ZNF622: variants seen among roughly 807,000 people sequenced by gnomAD.
The protein encoded by ZNF622 is zinc finger protein 622, also known as cytoplasmic 60S subunit biogenesis factor ZNF622.
ZNF622 carries 34 observed loss-of-function variants against 49.7 expected under a neutral mutation model. That is an observed-to-expected ratio of 0.68 (90% CI 0.52 to 0.91). The LOEUF (loss-of-function observed/expected upper bound fraction) is 0.91, where lower values mean the gene tolerates loss of function less well. ZNF622 is among the 40% of genes least tolerant of loss of function. ZNF622 has a pLI of 0.00. For missense variants in ZNF622, 569 were observed against 616.4 expected (o/e 0.92, Z 0.81); for synonymous variants, 209 against 228.7 (o/e 0.91, Z 0.78).
At chr5:16,452,284 T>C (rs1182268808) in intron 5 of ZNF622, among the ~76,000 whole-genome samples, 1 of 152,154 alleles carries the variant, frequency 6.6e-6, no homozygotes, top group Non-Finnish European at 1.5e-5. Flanking sequence ...TTCTCCACAG[T>C]CCTCAGTTGG....
At position 16,451,624 on chromosome 5, in the gene ZNF622, G is replaced by A. The variant is rs1302309918; in HGVS notation, c.*33C>T. On this transcript the variant is annotated 3_prime_UTR_variant, in exon 6 of 6. Coordinates refer to ENST00000308683, the MANE Select transcript of ZNF622 (RefSeq NM_033414.3). ...GTCCTCAGGGCAAGGAGGAAACTTG[G>A]GCAGGAGATGATTGCTCAATCCCAG... 11 of 1,606,536 alleles carry A rather than the reference G, an allele frequency of 6.8e-6. No homozygotes were observed. The highest frequency in any genetic ancestry group is 9.4e-6 in the Non-Finnish European group (11 of 1,176,350).
chr5:16,465,732 C>A lies in ZNF622; in HGVS notation c.-67G>T. On this transcript the variant is annotated 5_prime_UTR_variant, in exon 1 of 6. Coordinates refer to ENST00000308683, the MANE Select transcript of ZNF622 (RefSeq NM_033414.3). This position sits in a 1 kb window ranked among gnomAD's most constrained non-coding sequence, Gnocchi z 6.2. ...TGATCAGCGCCGTGGCCCCACAAGA[C>A]CCTCAGACCTTAACCCGCCTCAGCA... 1.3e-6 allele frequency: 2 copies of A among 1,497,352 alleles called. No individual in the cohort carries two copies. The highest frequency in any genetic ancestry group is 1.8e-6 in the Non-Finnish European group (2 of 1,125,644). The allele number at this position is 1,497,352 out of a possible 1,614,324, so 92.8% of individuals were successfully genotyped here. A position where few individuals can be genotyped will look rare whatever the true frequency, so the allele number is the denominator to read the frequency against.
chr5:16,452,173 A>G (rs945152016), intron 5 of ZNF622, among the ~76,000 whole-genome samples: 2 of 152,164 alleles, frequency 1.3e-5, no homozygotes, highest in African/African-American at 2.4e-5. Context: ...GCTCACAAGC[A>G]GCCACAGTGA....
intron 4 of ZNF622, among the ~76,000 whole-genome samples, chr5:16,455,470 A>G (rs1738011351): frequency 6.6e-6 from 1 of 152,226 alleles, no homozygotes; most frequent in African/African-American, 2.4e-5. Context: ...CTTTCGATTC[A>G]AAGACATGGT....
rs1432545450 is a variant in ZNF622 at position 16,463,558 on chromosome 5, G to A, written c.810C>T (p.His270=). 10 of 1,614,084 alleles carry A rather than the reference G, an allele frequency of 6.2e-6. No homozygotes were observed. The highest frequency in any genetic ancestry group is 7.6e-6 in the Non-Finnish European group (9 of 1,180,050). ...HSSSLMKNVA[H]MTKDHSFFIP... Reference sequence around the variant, plus strand: ...TAAAGAAACTGTGGTCTTTGGTCATGTGAGCCACATTCTTCATCAGCGAGC... The same window carrying A: ...TAAAGAAACTGTGGTCTTTGGTCATATGAGCCACATTCTTCATCAGCGAGC... Residue 270 remains histidine, a synonymous_variant, in exon 2 of 6, where the codon CAC becomes CAT. Transcript: ENST00000308683. The surrounding 1 kb of genome is among the most constrained non-coding windows in gnomAD (Gnocchi z 4.2).
At chr5:16,459,277 C>T (rs1317918823) in intron 3 of ZNF622, among the ~76,000 whole-genome samples, 1 of 152,118 alleles carries the variant, frequency 6.6e-6, no homozygotes, top group Non-Finnish European at 1.5e-5. Context: ...GTAAACCAGA[C>T]AACCTAATAA....
Position 16,465,549 on chromosome 5 carries a change from C to T in ZNF622, c.117G>A (p.Met39Ile). ...GGAAGCCCTCGGCGGTCACTGGGGC[C>T]ATGCTGGCCACCTTCCGCCGCAGGT... Reference protein sequence around the residue: ...RYNLRRKVASMAPVTAEGFQE... With the variant: ...RYNLRRKVASIAPVTAEGFQE... The change falls in exon 1 of 6, where the codon ATG becomes ATA. Residue 39 changes from methionine (M) to isoleucine (I), a missense_variant. Transcript: ENST00000308683. The surrounding 1 kb of genome is among the most constrained non-coding windows in gnomAD (Gnocchi z 6.2). 6.2e-7 allele frequency: 1 copy of T among 1,613,868 alleles called. No homozygotes were observed. Among genetic ancestry groups the T allele is most frequent in the Non-Finnish European group, 8.5e-7 (1 of 1,179,904 alleles).
chr5:16,462,843 C>T (rs988397405), intron 3 of ZNF622, among the ~76,000 whole-genome samples: 131 of 152,146 alleles, frequency 8.6e-4, no homozygotes, highest in African/African-American at 3.1e-3. Flanking sequence ...ACTGGCAAAA[C>T]TGAACTCTTG....
intron 4 of ZNF622, among the ~76,000 whole-genome samples, chr5:16,453,580 T>G (rs1409208786): frequency 8.1e-6 from 1 of 122,726 alleles, no homozygotes; most frequent in Non-Finnish European, 1.7e-5. Context: ...TATATATATA[T>G]ATATATATAT....
chr5:16,453,451 T>C (rs1737966282), intron 4 of ZNF622, among the ~76,000 whole-genome samples: 2 of 150,934 alleles, frequency 1.3e-5, no homozygotes, highest in African/African-American at 4.9e-5. Flanking sequence ...CTTACTTGCA[T>C]ACAATATGCC....
In ZNF622 at chr5:16,465,261, G is replaced by C. The variant is rs760025248; in HGVS notation, c.405C>G (p.Ala135=). The change falls in exon 1 of 6, where the codon GCC becomes GCG. Residue 135 remains alanine, a synonymous_variant. Coordinates refer to ENST00000308683, the MANE Select transcript of ZNF622 (RefSeq NM_033414.3). The surrounding 1 kb of genome is among the most constrained non-coding windows in gnomAD (Gnocchi z 6.2). ...KDAMNAAIQQ[A]IKAQPSMSPK... is the part of the protein sequence containing the mutation. Reference sequence around the variant, plus strand: ...GAGACATGGACGGCTGGGCCTTGATGGCCTGCTGGATGGCCGCGTTCATGG... The same window carrying C: ...GAGACATGGACGGCTGGGCCTTGATCGCCTGCTGGATGGCCGCGTTCATGG... 1.5e-5 allele frequency: 24 copies of C among 1,614,120 alleles called. No homozygotes were observed. The highest frequency in any genetic ancestry group is 1.0e-4 in the Admixed American group (6 of 60,012).
chr5:16,458,562 T>C lies in ZNF622; in HGVS notation c.1117A>G (p.Asn373Asp), dbSNP rs1738069645. ...NKAEELPSEKNLEYDDETMEL... is the reference protein window; with the variant it reads ...NKAEELPSEKDLEYDDETMEL... ...ATGGTTTCATCATCATATTCCAAGT[T>C]CTTTTCTGAGGGCAACTCCTCAGCC... The change falls in exon 4 of 6, where the codon AAC becomes GAC. Residue 373 changes from asparagine to aspartate, a missense_variant. Coordinates refer to ENST00000308683, the MANE Select transcript of ZNF622 (RefSeq NM_033414.3). 1 of 1,613,876 alleles carries C rather than the reference T, an allele frequency of 6.2e-7. No individual in the cohort carries two copies. Among genetic ancestry groups the C allele is most frequent in the Non-Finnish European group, 8.5e-7 (1 of 1,179,848 alleles).
Position 16,455,071 on chromosome 5 carries a change from G to A in ZNF622, c.1163-1915C>T, listed in dbSNP as rs569600195. On this transcript the variant is annotated intron_variant, in intron 4 of 5. Coordinates refer to ENST00000308683, the MANE Select transcript of ZNF622 (RefSeq NM_033414.3). The stretch of plus-strand genomic sequence containing the variant: ...ACAAAAGTAATCAAATATCTTCCCA[G>A]ACAGACATAACCATGCAGATATTTA... Among the ~76,000 whole-genome samples, 4 of 152,238 alleles carry A rather than the reference G, an allele frequency of 2.6e-5. No homozygotes were observed. In the South Asian group the frequency reaches 8.3e-4, roughly 32 times the overall value.
In ZNF622 at chr5:16,465,398, G is replaced by A. The variant is rs958871262; in HGVS notation, c.268C>T (p.Arg90Cys). 6.2e-7 allele frequency: 1 copy of A among 1,614,134 alleles called. No homozygotes were observed. The highest frequency in any genetic ancestry group is 1.3e-5 in the African/African-American group (1 of 74,954). The change falls in exon 1 of 6, where the codon CGT becomes TGT. Residue 90 changes from arginine to cysteine, a missense_variant. Coordinates refer to ENST00000308683, the MANE Select transcript of ZNF622 (RefSeq NM_033414.3). The surrounding 1 kb of genome is among the most constrained non-coding windows in gnomAD (Gnocchi z 6.2). The part of the protein sequence containing the change: ...NAYENHLKSR[R>C]HVELEKKAVQ... The stretch of plus-strand genomic sequence containing the variant: ...GCCTTCTTCTCCAGCTCAACGTGAC[G>A]CCGGGACTTGAGGTGGTTCTCGTAG...
Position 16,465,093 on chromosome 5 carries a change from T to C in ZNF622, c.573A>G (p.Ala191=), listed in dbSNP as rs147824651. 4 of 1,611,750 alleles carry C rather than the reference T, an allele frequency of 2.5e-6. No homozygotes were observed. Among genetic ancestry groups the C allele is most frequent in the Non-Finnish European group, 3.4e-6 (4 of 1,178,544 alleles). ...QWFEQQAKKL[A]KQQEEDSEEE... is the part of the protein sequence containing the mutation. ...CCTCGCTGTCCTCCTCCTGCTGCTT[T>C]GCCAACTTCTTCGCCTGCTGTTCAA... Residue 191 remains alanine (A), a synonymous_variant, in exon 1 of 6, where the codon GCA becomes GCG. Transcript: ENST00000308683. The surrounding 1 kb of genome is among the most constrained non-coding windows in gnomAD (Gnocchi z 6.2).
In ZNF622 at chr5:16,465,060, TTCC is replaced by T. The variant is rs1738190681; in HGVS notation, c.603_605del (p.Glu203del). ...CATCACCGTCTCCATCCAGGTCCTC[TTCC>T]TCCTCCTCGCTGTCCTCCTCCTGCT... On this transcript the variant is annotated inframe_deletion, in exon 1 of 6. Transcript: ENST00000308683. The surrounding 1 kb of genome is among the most constrained non-coding windows in gnomAD (Gnocchi z 6.2). The T allele has an allele frequency of 3.1e-6, 5 of 1,597,312 alleles. No individual in the cohort carries two copies. The highest frequency in any genetic ancestry group is 1.7e-5 in the Admixed American group (1 of 58,244).
chr5:16,465,128 G>C lies in ZNF622; in HGVS notation c.538C>G (p.Leu180Val), dbSNP rs1291037856. ...DRDPSEKPPRLQWFEQQAKKL... is the reference protein window; with the variant it reads ...DRDPSEKPPRVQWFEQQAKKL... ...TTCGCCTGCTGTTCAAACCACTGGA[G>C]CCGGGGTGGTTTCTCACTCGGGTCT... Residue 180 changes from leucine (L) to valine (V), a missense_variant, in exon 1 of 6, where the codon CTC (leucine) becomes GTC (valine). Transcript: ENST00000308683. The surrounding 1 kb of genome is among the most constrained non-coding windows in gnomAD (Gnocchi z 6.2). 9 of 1,614,146 alleles carry C rather than the reference G, an allele frequency of 5.6e-6. No individual in the cohort carries two copies. The highest frequency in any genetic ancestry group is 7.6e-6 in the Non-Finnish European group (9 of 1,180,002).
rs1471856301 is a variant in ZNF622 at position 16,463,849 on chromosome 5, C to T, written c.626-107G>A. On this transcript the variant is annotated intron_variant, in intron 1 of 5. Transcript: ENST00000308683. This position sits in a 1 kb window ranked among gnomAD's most constrained non-coding sequence, Gnocchi z 4.2. ...AGTCCTATATTTGGAGAAACAGCCACACCCCAACTCCCAAGGACAACTCCT... is the reference window on the plus strand; with the variant it reads ...AGTCCTATATTTGGAGAAACAGCCATACCCCAACTCCCAAGGACAACTCCT... 2 of 1,184,818 alleles carry T rather than the reference C, an allele frequency of 1.7e-6. No individual in the cohort carries two copies. Among genetic ancestry groups the T allele is most frequent in the Non-Finnish European group, 2.4e-6 (2 of 839,050 alleles). The allele number at this position is 1,184,818 out of a possible 1,614,324, so 73.4% of individuals were successfully genotyped here.
In ZNF622 at chr5:16,463,279, ATAATT is replaced by A; in HGVS notation, c.887-14_887-10del. ...AACACCAACTTTCTCTCCTAGAAAA[ATAATT>A]TAAGGAAAAAATATGAAAAAAGCTT... On this transcript the variant is annotated splice_polypyrimidine_tract_variant and intron_variant, in intron 2 of 5. Transcript: ENST00000308683. The surrounding 1 kb of genome is among the most constrained non-coding windows in gnomAD (Gnocchi z 4.2). The A allele has an allele frequency of 6.3e-7, 1 of 1,585,090 alleles. No homozygotes were observed. Among genetic ancestry groups the A allele is most frequent in the Non-Finnish European group, 8.5e-7 (1 of 1,171,502 alleles).
Sources: allele counts gnomAD v4.1 joint callset (sites outside exome capture counted in the v4.1 genomes callset), GRCh38; gene constraint gnomAD v4.1.1; non-coding constraint Gnocchi (gnomAD v3.1); transcripts MANE v1.5; gene names NCBI Gene and HGNC (gene_info 2026-07-23, HGNC 2026-07-21).